The following UBE3C variants were observed in gnomAD, a reference collection of about 807,000 sequenced individuals.
UBE3C encodes the protein ubiquitin-protein ligase E3C.
UBE3C carries 42 observed loss-of-function variants against 129.4 expected under a neutral mutation model. That is an observed-to-expected ratio of 0.32 (90% CI 0.25 to 0.42). The LOEUF (loss-of-function observed/expected upper bound fraction) is 0.42, where lower values mean the gene tolerates loss of function less well. UBE3C is among the 10% of genes least tolerant of loss of function. UBE3C has a pLI of 1.00. For missense variants in UBE3C, 1,049 were observed against 1,319.1 expected (o/e 0.80, Z 3.17); for synonymous variants, 510 against 492.4 (o/e 1.04, Z -0.47).
At chr7:157,142,909 C>G (rs1017078106) in intron 1 of UBE3C, among the ~76,000 whole-genome samples, 25 of 151,416 alleles carry the variant, frequency 1.7e-4, no homozygotes, top group African/African-American at 6.1e-4. Context: ...CAGTGTTGCC[C>G]AGGCTGGAGT....
At position 157,139,309 on chromosome 7, in the gene UBE3C, A is replaced by G; in HGVS notation, c.37A>G (p.Lys13Glu). ...SFEGDFKTRP[K>E]VSLGGASRKE... Reference sequence around the variant, plus strand: ...CGAAGGCGACTTCAAGACGCGGCCCAAGGTGTCCCTTGGCGGCGCGAGCAG... The same window carrying G: ...CGAAGGCGACTTCAAGACGCGGCCCGAGGTGTCCCTTGGCGGCGCGAGCAG... The change falls in exon 1 of 23, where the codon AAG (lysine) becomes GAG (glutamate). Residue 13 changes from lysine (K) to glutamate (E), a missense_variant. By Grantham distance (56) the Lys-to-Glu change is moderately conservative. Around this residue, in one of 4 missense-constraint regions of UBE3C, gnomAD observed 489 missense variants for 513.8 expected, o/e 0.95. Coordinates refer to ENST00000348165, the MANE Select transcript of UBE3C (RefSeq NM_014671.3). 1 of 1,584,032 alleles carries G rather than the reference A, an allele frequency of 6.3e-7. No homozygotes were observed. The highest frequency in any genetic ancestry group is 8.5e-7 in the Non-Finnish European group (1 of 1,172,444).
intron 17 of UBE3C, among the ~76,000 whole-genome samples, chr7:157,225,930 G>A (rs1313491921): frequency 6.6e-6 from 1 of 152,188 alleles, no homozygotes; most frequent in Non-Finnish European, 1.5e-5. Flanking sequence ...GGCCTTGGCA[G>A]TAGAGCCAGA....
intron 19 of UBE3C, among the ~76,000 whole-genome samples, chr7:157,250,475 C>A (rs1348650805): frequency 2.0e-5 from 3 of 152,098 alleles, no homozygotes; most frequent in Non-Finnish European, 4.4e-5. Flanking sequence ...GCATGAGCCA[C>A]CATTCCTGGC....
intron 18 of UBE3C, among the ~76,000 whole-genome samples, chr7:157,246,777 T>C (rs1167431128): frequency 6.6e-6 from 1 of 152,222 alleles, no homozygotes; most frequent in East Asian, 1.9e-4. Flanking sequence ...AGAGGGTTTC[T>C]TTCTCTAAAA....
intron 18 of UBE3C, among the ~76,000 whole-genome samples, chr7:157,242,524 T>TTG (rs1554436979): frequency 2.0e-5 from 3 of 147,598 alleles, no homozygotes; most frequent in Admixed American, 1.4e-4. Flanking sequence ...GTTTTTTTTT[T>TTG]TTTTTTTTTT....
At chr7:157,250,048 T>G (rs924588465) in intron 19 of UBE3C, among the ~76,000 whole-genome samples, 1 of 152,142 alleles carries the variant, frequency 6.6e-6, no homozygotes, top group African/African-American at 2.4e-5. Context: ...CTGGCCCAAG[T>G]ATTTCACTCA....
intron 10 of UBE3C, among the ~76,000 whole-genome samples, chr7:157,196,894 G>C (rs1809135201): frequency 6.6e-6 from 1 of 152,166 alleles, no homozygotes; most frequent in Non-Finnish European, 1.5e-5. Context: ...TCTTGAACCT[G>C]GGAGGTGGAG....
intron 3 of UBE3C, among the ~76,000 whole-genome samples, chr7:157,169,738 G>C (rs1369191349): frequency 6.6e-6 from 1 of 152,088 alleles, no homozygotes; most frequent in African/African-American, 2.4e-5. Flanking sequence ...CTGGAGTGCA[G>C]TTGCACGATC....
At chr7:157,163,182 G>A (rs111288330) in intron 1 of UBE3C, among the ~76,000 whole-genome samples, 3 of 151,808 alleles carry the variant, frequency 2.0e-5, no homozygotes, top group Non-Finnish European at 2.9e-5. Flanking sequence ...TCAGGAGATC[G>A]AGACCATCCT....
chr7:157,239,996 A>G (rs10266518), intron 18 of UBE3C, among the ~76,000 whole-genome samples: 50,987 of 152,104 alleles, frequency 0.34, 11,594 homozygotes, highest in African/African-American at 0.64. Flanking sequence ...GGATCTATTA[A>G]AAATGCAAAT....
chr7:157,264,508 C>CA (rs1457577278), intron 22 of UBE3C, among the ~76,000 whole-genome samples: 3 of 137,458 alleles, frequency 2.2e-5, no homozygotes, highest in African/African-American at 8.5e-5. Flanking sequence ...CCAACATGCT[C>CA]GGCCTGTTAC....
chr7:157,176,779 G>T (rs933448264), intron 5 of UBE3C, among the ~76,000 whole-genome samples: 3 of 152,130 alleles, frequency 2.0e-5, no homozygotes, highest in Non-Finnish European at 4.4e-5. Context: ...TTTCTGTGAG[G>T]TCACAAAGCC....
intron 11 of UBE3C, among the ~76,000 whole-genome samples, chr7:157,202,018 G>GT (rs551261626): frequency 1.3e-5 from 2 of 152,138 alleles, no homozygotes; most frequent in Admixed American, 6.5e-5. Context: ...AGAGAGTATG[G>GT]TTTTATCTGA....
At chr7:157,239,575 CAGT>C (rs1239373482) in intron 18 of UBE3C, among the ~76,000 whole-genome samples, 2 of 152,108 alleles carry the variant, frequency 1.3e-5, no homozygotes, top group East Asian at 1.9e-4. Flanking sequence ...CACTCTGCAG[CAGT>C]AGACTTCAGA....
chr7:157,157,444 TAA>T (rs1279891521), intron 1 of UBE3C, among the ~76,000 whole-genome samples: 1 of 152,150 alleles, frequency 6.6e-6, no homozygotes, highest in Non-Finnish European at 1.5e-5. Context: ...TGTGGAAACA[TAA>T]AAAGTTAGAC....
intron 18 of UBE3C, among the ~76,000 whole-genome samples, chr7:157,235,679 G>T (rs1255034179): frequency 6.6e-6 from 1 of 152,148 alleles, no homozygotes; most frequent in Non-Finnish European, 1.5e-5. Flanking sequence ...TCTTATTAAG[G>T]CTGTTTAAAA....
At chr7:157,206,886 T>C (rs1293253704) in intron 11 of UBE3C, among the ~76,000 whole-genome samples, 1 of 152,214 alleles carries the variant, frequency 6.6e-6, no homozygotes, top group African/African-American at 2.4e-5. Context: ...AAGGCCACCA[T>C]AGAGAACTGG....
chr7:157,267,420 T>C (rs1427333260), intron 22 of UBE3C, among the ~76,000 whole-genome samples, 165 bp from the exon 23 acceptor site: 1 of 152,150 alleles, frequency 6.6e-6, no homozygotes, highest in Non-Finnish European at 1.5e-5. Flanking sequence ...AGACTCCATC[T>C]CAAAGAAAAC....
chr7:157,228,814 A>G (rs770929301), intron 17 of UBE3C, among the ~76,000 whole-genome samples: 5 of 152,162 alleles, frequency 3.3e-5, no homozygotes, highest in Non-Finnish European at 5.9e-5. Flanking sequence ...CAGTCCAGTA[A>G]ATTGTATTTG....
Sources: gnomAD v4.1 joint callset for allele counts (sites outside exome capture counted in the v4.1 genomes callset) on GRCh38, gnomAD v4.1.1 for gene constraint, gnomAD v4.1.1 regional missense constraint, MANE v1.5 for transcripts, NCBI Gene and HGNC (gene_info 2026-07-23, HGNC 2026-07-21) for gene names.